Variants in RASGRF2 observed in about 807,000 individuals in gnomAD.
RASGRF2 encodes the protein Ras protein specific guanine nucleotide releasing factor 2, also known as ras-specific guanine nucleotide-releasing factor 2.
RASGRF2 carries 76 observed loss-of-function variants against 151.0 expected under a neutral mutation model. The observed-to-expected ratio is 0.50, with a 90% CI of 0.42 to 0.61. The LOEUF (loss-of-function observed/expected upper bound fraction) is 0.61. RASGRF2 is among the 20% of genes least tolerant of loss of function. The pLI is 0.00. For missense variants in RASGRF2, 1,148 were observed against 1,564.6 expected, an observed-to-expected ratio of 0.73 and a Z score of 4.49; for synonymous variants, 504 against 566.5, an observed-to-expected ratio of 0.89 and a Z score of 1.57.
At chr5:81,210,289 C>G (rs1344453417) in intron 22 of RASGRF2, 1 of 152,298 alleles carries the variant, frequency 6.6e-6, no homozygotes, top group Non-Finnish European at 1.5e-5. Flanking sequence ...AGCTCTCTTA[C>G]GCTGTCTCTT....
intron 17 of RASGRF2, among the ~76,000 whole-genome samples, chr5:81,127,375 T>C (rs1217758319): frequency 6.6e-6 from 1 of 151,962 alleles, no homozygotes; most frequent in Non-Finnish European, 1.5e-5. Context: ...TTTTTAAAAT[T>C]AGCTGGGCAT....
intron 17 of RASGRF2, among the ~76,000 whole-genome samples, chr5:81,157,720 G>A (rs574568113): frequency 6.6e-6 from 1 of 152,326 alleles, no homozygotes; most frequent in South Asian, 2.1e-4. Context: ...TCACAGGGCA[G>A]CAGAAGAGAG....
At chr5:81,057,372 G>A (rs572803798) in intron 2 of RASGRF2, among the ~76,000 whole-genome samples, 149 of 152,156 alleles carry the variant, frequency 9.8e-4, no homozygotes, top group African/African-American at 3.4e-3. Flanking sequence ...TGGAATTCTG[G>A]CCCAGCAACA....
At chr5:81,143,251 G>A (rs1310417966) in intron 17 of RASGRF2, among the ~76,000 whole-genome samples, 2 of 151,900 alleles carry the variant, frequency 1.3e-5, no homozygotes, top group Non-Finnish European at 2.9e-5. Flanking sequence ...TGAGTCAGGC[G>A]ATTCTCCTGA....
chr5:81,066,412 T>A (rs1751604183), intron 2 of RASGRF2, among the ~76,000 whole-genome samples: 1 of 152,198 alleles, frequency 6.6e-6, no homozygotes. Flanking sequence ...AGACTTTTAG[T>A]TCCAAGCAAC....
chr5:81,056,433 C>T (rs536601294), intron 2 of RASGRF2, among the ~76,000 whole-genome samples: 112 of 152,210 alleles, frequency 7.4e-4, no homozygotes, highest in African/African-American at 2.4e-3. Context: ...TGTAGTTGAG[C>T]GGTTTTGAGT....
chr5:81,169,832 GCA>G (rs1754603542), intron 17 of RASGRF2, among the ~76,000 whole-genome samples: 1 of 79,416 alleles, frequency 1.3e-5, no homozygotes, highest in Admixed American at 1.6e-4. Context: ...TGCATCACCT[GCA>G]TCACTTGCAT....
chr5:81,125,722 T>A (rs1753433289), intron 16 of RASGRF2, among the ~76,000 whole-genome samples: 1 of 152,260 alleles, frequency 6.6e-6, no homozygotes. Flanking sequence ...ATGTTTATAT[T>A]CACATATAAA....
intron 18 of RASGRF2, among the ~76,000 whole-genome samples, chr5:81,199,511 A>G (rs549431074): frequency 6.6e-6 from 1 of 152,242 alleles, no homozygotes; most frequent in South Asian, 2.1e-4. Context: ...GACACTGTTA[A>G]TTCTGTTCTC....
chr5:81,195,275 A>G (rs1755239308), intron 18 of RASGRF2, among the ~76,000 whole-genome samples: 2 of 152,092 alleles, frequency 1.3e-5, no homozygotes, highest in Non-Finnish European at 2.9e-5. Context: ...GCGCTCGGGT[A>G]CGTCTTATTC....
chr5:81,080,737 C>T lies in RASGRF2; in HGVS notation c.1109C>T (p.Pro370Leu). 1 of 1,614,178 alleles carries T rather than the reference C, an allele frequency of 6.2e-7. No homozygotes were observed. The stretch of plus-strand genomic sequence containing the variant: ...CTCTTAAAACAGTATGAAGCCAATC[C>T]AGCCTGTGAGGGGAGGATGCTGGAG... ...DKLLKQYEAN[P>L]ACEGRMLETF... The change falls in exon 7 of 27, where the codon CCA becomes CTA. Residue 370 changes from proline to leucine, a missense_variant. By Grantham distance (98) the Pro-to-Leu change is moderately conservative. Around this residue, in one of 5 missense-constraint regions of RASGRF2, gnomAD observed 176 missense variants for 309.6 expected, o/e 0.57. Coordinates refer to ENST00000265080, the MANE Select transcript of RASGRF2 (RefSeq NM_006909.3).
At chr5:80,992,527 T>C (rs1451910451) in intron 1 of RASGRF2, among the ~76,000 whole-genome samples, 1 of 152,194 alleles carries the variant, frequency 6.6e-6, no homozygotes, top group Non-Finnish European at 1.5e-5. Context: ...TTCTTACTTG[T>C]GAAAGAGGGA....
intron 7 of RASGRF2, among the ~76,000 whole-genome samples, chr5:81,081,708 C>T (rs1219406398): frequency 3.9e-5 from 6 of 152,218 alleles, no homozygotes; most frequent in Admixed American, 3.9e-4. Flanking sequence ...AATCATTTTG[C>T]AGCCTCAGAA....
At chr5:81,073,704 C>T (rs953660922) in intron 5 of RASGRF2, among the ~76,000 whole-genome samples, 12 of 152,064 alleles carry the variant, frequency 7.9e-5, no homozygotes, top group South Asian at 2.1e-4. Context: ...CTGCCAGCTC[C>T]GCCTCCCGGG....
intron 18 of RASGRF2, among the ~76,000 whole-genome samples, chr5:81,192,967 A>G (rs559107995): frequency 1.3e-5 from 2 of 152,180 alleles, no homozygotes; most frequent in South Asian, 4.1e-4. Context: ...TCTGAGCTCA[A>G]CACATCCTGA....
intron 18 of RASGRF2, among the ~76,000 whole-genome samples, chr5:81,182,912 G>A (rs1313786975): frequency 6.6e-6 from 1 of 152,186 alleles, no homozygotes; most frequent in Non-Finnish European, 1.5e-5. Flanking sequence ...CTGAAAACGT[G>A]TGCTATAATC....
chr5:81,090,129 T>A (rs1168937890), intron 9 of RASGRF2, among the ~76,000 whole-genome samples: 1 of 152,238 alleles, frequency 6.6e-6, no homozygotes, highest in African/African-American at 2.4e-5. Flanking sequence ...AGTCATGCGC[T>A]TTCAATGTAC....
intron 17 of RASGRF2, among the ~76,000 whole-genome samples, chr5:81,134,537 G>A (rs1203274126): frequency 6.6e-6 from 1 of 152,108 alleles, no homozygotes; most frequent in Non-Finnish European, 1.5e-5. Context: ...AAATTCTCGG[G>A]CCACACATCA....
chr5:80,995,164 G>A (rs988224749), intron 1 of RASGRF2, among the ~76,000 whole-genome samples: 4 of 150,684 alleles, frequency 2.7e-5, no homozygotes, highest in African/African-American at 9.8e-5. Flanking sequence ...GCTGAGGCAG[G>A]AGAATGGCGT....
Sources: allele counts gnomAD v4.1 joint callset (sites outside exome capture counted in the v4.1 genomes callset), GRCh38; gene constraint gnomAD v4.1.1; regional missense constraint gnomAD v4.1.1; transcripts MANE v1.5; gene names NCBI Gene and HGNC (gene_info 2026-07-23, HGNC 2026-07-21).